COL9A2: variants seen among roughly 807,000 people sequenced by gnomAD.
COL9A2 encodes the protein collagen alpha-2(IX) chain.
Under a neutral mutation model 111.6 loss-of-function variants are expected in COL9A2, and 66 were observed. That is an observed-to-expected ratio of 0.59 (90% CI 0.48 to 0.73). The LOEUF (loss-of-function observed/expected upper bound fraction) is 0.73, where lower values mean the gene tolerates loss of function less well. COL9A2 is among the 30% of genes least tolerant of loss of function. COL9A2 has a pLI of 0.00. For missense variants in COL9A2, 881 were observed against 954.1 expected, an observed-to-expected ratio of 0.92 and a Z score of 1.01; for synonymous variants, 353 against 364.1, an observed-to-expected ratio of 0.97 and a Z score of 0.35.
chr1:40,302,787 C>T lies in COL9A2; in HGVS notation c.1626G>A (p.Val542=). 1 of 1,551,046 alleles carries T rather than the reference C, an allele frequency of 6.4e-7. No homozygotes were observed. The highest frequency in any genetic ancestry group is 8.7e-7 in the Non-Finnish European group (1 of 1,147,914). ...MLQEQLAEVA[V]SAKREALGAV... ...CACCCAGGGCTTCCCGCTTGGCACT[C>T]ACGGCGACCTCTGCCAGTTGCTCTG... The change falls in exon 30 of 32, where the codon GTG becomes GTA. Residue 542 remains valine, a synonymous_variant. Coordinates refer to ENST00000372748, the MANE Select transcript of COL9A2 (RefSeq NM_001852.4). This position sits in a 1 kb window ranked among gnomAD's most constrained non-coding sequence, Gnocchi z 4.5.
Position 40,310,335 on chromosome 1 carries a change from T to C in COL9A2, c.685-18A>G, listed in dbSNP as rs1644103719. On this transcript the variant is annotated intron_variant, in intron 13 of 31. Transcript: ENST00000372748. This position sits in a 1 kb window ranked among gnomAD's most constrained non-coding sequence, Gnocchi z 4.9. Reference sequence around the variant, plus strand: ...TGGGGACCCTGTTGAGAAAGAAAAATGACAGCAATGGCAATTGCAAGGCCC... The same window carrying C: ...TGGGGACCCTGTTGAGAAAGAAAAACGACAGCAATGGCAATTGCAAGGCCC... 1 of 1,613,492 alleles carries C rather than the reference T, an allele frequency of 6.2e-7. No individual in the cohort carries two copies. The highest frequency in any genetic ancestry group is 1.3e-5 in the African/African-American group (1 of 74,832).
chr1:40,312,084 C>T lies in COL9A2; in HGVS notation c.392G>A (p.Gly131Asp). The T allele has an allele frequency of 1.2e-6, 2 of 1,602,256 alleles. No individual in the cohort carries two copies. The highest frequency in any genetic ancestry group is 1.7e-6 in the Non-Finnish European group (2 of 1,176,070). ...CTTGGGGCCTCGGATTCCAATCTCA[C>T]CAGGGAGGCCAACAGGTCCAGGAGG... is the stretch of plus-strand genomic sequence containing the variant. Reference protein sequence around the residue: ...PGPPGPVGLPGEIGIRGPKGD... With the variant: ...PGPPGPVGLPDEIGIRGPKGD... The change falls in exon 8 of 32, where the codon GGT (glycine) becomes GAT (aspartate). Residue 131 changes from glycine to aspartate, a missense_variant. Transcript: ENST00000372748. The surrounding 1 kb of genome is among the most constrained non-coding windows in gnomAD (Gnocchi z 6.0).
intron 19 of COL9A2, among the ~76,000 whole-genome samples, chr1:40,306,947 C>A (rs572796214): frequency 1.3e-5 from 2 of 151,374 alleles, no homozygotes; most frequent in African/African-American, 4.8e-5. Context: ...TGGGCTCAAG[C>A]AATTCTCCTG....
At position 40,302,564 on chromosome 1, in the gene COL9A2, C is replaced by T. The variant is rs370066742; in HGVS notation, c.1792+57G>A. The T allele has an allele frequency of 6.2e-5, 96 of 1,537,492 alleles. 2 individuals carry two copies. Among genetic ancestry groups the T allele is most frequent in the Admixed American group, 3.3e-4 (17 of 52,188 alleles). Reference sequence around the variant, plus strand: ...CCTGAGAAGGGAATGGGGAAAGGGCCGGCCTGGACAAATCCTCACTGCCTG... The same window carrying T: ...CCTGAGAAGGGAATGGGGAAAGGGCTGGCCTGGACAAATCCTCACTGCCTG... On this transcript the variant is annotated intron_variant, in intron 30 of 31. Coordinates refer to ENST00000372748, the MANE Select transcript of COL9A2 (RefSeq NM_001852.4). The surrounding 1 kb of genome is among the most constrained non-coding windows in gnomAD (Gnocchi z 4.5).
rs1644186714 is a variant in COL9A2 at position 40,314,635 on chromosome 1, G to A, written c.151-248C>T. Among the ~76,000 whole-genome samples the A allele has an allele frequency of 6.6e-6, 1 of 152,174 alleles. No individual in the cohort carries two copies. The highest frequency in any genetic ancestry group is 2.4e-5 in the African/African-American group (1 of 41,434). Reference sequence around the variant, plus strand: ...GAGGGTGACAGCAACATGCAAGAAGGTACAGACATGCTGATGTCATGAGGT... The same window carrying A: ...GAGGGTGACAGCAACATGCAAGAAGATACAGACATGCTGATGTCATGAGGT... On this transcript the variant is annotated intron_variant, in intron 2 of 31. Coordinates refer to ENST00000372748, the MANE Select transcript of COL9A2 (RefSeq NM_001852.4). The surrounding 1 kb of genome is among the most constrained non-coding windows in gnomAD (Gnocchi z 4.1).
chr1:40,305,894 G>T, intron 20 of COL9A2, 126 bp from the exon 21 acceptor site: 2 of 894,352 alleles, frequency 2.2e-6, no homozygotes, highest in Non-Finnish European at 3.7e-6. Flanking sequence ...GGGTATTCTT[G>T]GTTCAATCCT....
Position 40,312,837 on chromosome 1 carries a change from C to T in COL9A2, c.250-53G>A. ...ATGAGGGCCAACCTGCTCCCTGACC[C>T]ACAGAGCAGGGCAGGTTCAAGGGTC... On this transcript the variant is annotated intron_variant, in intron 4 of 31. Transcript: ENST00000372748. The surrounding 1 kb of genome is among the most constrained non-coding windows in gnomAD (Gnocchi z 6.0). 6.6e-7 allele frequency: 1 copy of T among 1,504,360 alleles called. No homozygotes were observed. The highest frequency in any genetic ancestry group is 9.0e-7 in the Non-Finnish European group (1 of 1,105,994). 93.2% of individuals were successfully genotyped at this position (1,504,360 alleles called of 1,614,324 possible).
rs750061947 is a variant in COL9A2 at position 40,317,134 on chromosome 1, G to A, written c.64C>T (p.Leu22=). The change falls in exon 1 of 32, where the codon CTG becomes TTG. Residue 22 remains leucine (L), a synonymous_variant. Coordinates refer to ENST00000372748, the MANE Select transcript of COL9A2 (RefSeq NM_001852.4). This position sits in a 1 kb window ranked among gnomAD's most constrained non-coding sequence, Gnocchi z 4.3. The part of the protein sequence containing the change: ...LVLLQVVVLA[L]AQIRGPPGER... ...GCTGCGAAACTTACAATCTGCGCCA[G>A]AGCGAGCACTACCACCTGGAGGAGA... is the stretch of plus-strand genomic sequence containing the variant. 1 of 1,581,782 alleles carries A rather than the reference G, an allele frequency of 6.3e-7. No homozygotes were observed. The highest frequency in any genetic ancestry group is 8.6e-7 in the Non-Finnish European group (1 of 1,164,400).
Position 40,309,969 on chromosome 1 carries a change from G to A in COL9A2, c.815C>T (p.Pro272Leu), listed in dbSNP as rs760992606. ...ACCCTTCTCCCCAGCTCGGCCTGGC[G>A]GTCCCCTAGGACCTTCCTCACCCTG... is the stretch of plus-strand genomic sequence containing the variant. ...GPPGEEGPRG[P>L]PGRAGEKGDE... Residue 272 changes from proline (P) to leucine (L), a missense_variant, in exon 16 of 32, where the codon CCG (proline) becomes CTG (leucine). By Grantham distance (98) the Pro-to-Leu change is moderately conservative. Coordinates refer to ENST00000372748, the MANE Select transcript of COL9A2 (RefSeq NM_001852.4). The A allele has an allele frequency of 2.0e-5, 32 of 1,613,904 alleles. No individual in the cohort carries two copies. The highest frequency in any genetic ancestry group is 8.9e-5 in the East Asian group (4 of 44,886).
chr1:40,304,636 A>G, intron 22 of COL9A2, 107 bp from the exon 23 acceptor site: 1 of 1,430,150 alleles, frequency 7.0e-7, no homozygotes, highest in East Asian at 2.4e-5. Flanking sequence ...TCCTGCTGTC[A>G]CTGGCAGGGG....
chr1:40,303,137 GCATCTTCAGCGCCA>G lies in COL9A2; in HGVS notation c.1583_1596del (p.Val528AlafsTer73). On this transcript the variant is annotated frameshift_variant, in exon 29 of 32. Transcript: ENST00000372748. LOFTEE classifies it high-confidence loss of function. This position sits in a 1 kb window ranked among gnomAD's most constrained non-coding sequence, Gnocchi z 4.6. ...AGGGGTTGCTGCCCCTCACCTTGCA[GCATCTTCAGCGCCA>G]CATCCACGATGTGCTGGTCAGTGGC... is the stretch of plus-strand genomic sequence containing the variant. The G allele has an allele frequency of 6.2e-7, 1 of 1,612,800 alleles. No homozygotes were observed. Among genetic ancestry groups the G allele is most frequent in the Non-Finnish European group, 8.5e-7 (1 of 1,179,570 alleles).
At chr1:40,304,422 G>T (rs1385953026) in intron 23 of COL9A2, 31 bp from the exon 24 acceptor site, 1 of 1,612,500 alleles carries the variant, frequency 6.2e-7, no homozygotes, top group East Asian at 2.2e-5. Flanking sequence ...AGGAATAAAT[G>T]GAATGAGGGG....
chr1:40,304,016 C>T, intron 25 of COL9A2, 44 bp from the exon 26 acceptor site: 2 of 1,571,538 alleles, frequency 1.3e-6, no homozygotes, highest in Non-Finnish European at 1.7e-6. Context: ...GCGGCGGGGA[C>T]GCAGAGCAGG....
chr1:40,314,129 T>C lies in COL9A2; in HGVS notation c.249+76A>G. On this transcript the variant is annotated intron_variant, in intron 4 of 31. Coordinates refer to ENST00000372748, the MANE Select transcript of COL9A2 (RefSeq NM_001852.4). This position sits in a 1 kb window ranked among gnomAD's most constrained non-coding sequence, Gnocchi z 4.1. ...TGCTGCCCATCTCTGAACAGATCAG[T>C]GAAGATGCCAGAGCCAGGCCCTGGA... 2 of 1,453,132 alleles carry C rather than the reference T, an allele frequency of 1.4e-6. No homozygotes were observed. Among genetic ancestry groups the C allele is most frequent in the Non-Finnish European group, 1.9e-6 (2 of 1,034,618 alleles). The allele number at this position is 1,453,132 out of a possible 1,614,324, so 90.0% of individuals were successfully genotyped here.
In COL9A2 at chr1:40,303,884, G is replaced by A. The variant is rs1337074602; in HGVS notation, c.1368+44C>T. The A allele has an allele frequency of 2.6e-6, 4 of 1,549,286 alleles. No homozygotes were observed. The East Asian group carries it at 9.7e-5, about 38-fold the overall frequency. The stretch of plus-strand genomic sequence containing the variant: ...CGGTCACGAAGCCGCGGGGACCCCG[G>A]GGCCAGCCGCCGCTCCCCGCCCTTC... On this transcript the variant is annotated intron_variant, in intron 26 of 31. Transcript: ENST00000372748. The surrounding 1 kb of genome is among the most constrained non-coding windows in gnomAD (Gnocchi z 4.6).
intron 19 of COL9A2, among the ~76,000 whole-genome samples, chr1:40,306,726 T>C (rs950206437): frequency 2.0e-5 from 3 of 151,794 alleles, no homozygotes; most frequent in African/African-American, 4.8e-5. Flanking sequence ...GAGGGGCAGG[T>C]TGGGGTCAGA....
In COL9A2 at chr1:40,311,341, TC is replaced by T; in HGVS notation, c.520-56del. 6.3e-7 allele frequency: 1 copy of T among 1,596,926 alleles called. No individual in the cohort carries two copies. The highest frequency in any genetic ancestry group is 8.5e-7 in the Non-Finnish European group (1 of 1,170,218). On this transcript the variant is annotated intron_variant, in intron 10 of 31. Transcript: ENST00000372748. The surrounding 1 kb of genome is among the most constrained non-coding windows in gnomAD (Gnocchi z 5.1). Reference sequence around the variant, plus strand: ...TGATCAGCTGGGCAGTGCGCCCCCATCTCTCCAAGCCCCGTGCTCTCCTCCG... The same window carrying T: ...TGATCAGCTGGGCAGTGCGCCCCCATTCTCCAAGCCCCGTGCTCTCCTCCG...
In COL9A2 at chr1:40,310,745, G is replaced by A; in HGVS notation, c.653C>T (p.Ala218Val). 6.4e-7 allele frequency: 1 copy of A among 1,564,452 alleles called. No homozygotes were observed. Among genetic ancestry groups the A allele is most frequent in the Non-Finnish European group, 8.7e-7 (1 of 1,153,796 alleles). The stretch of plus-strand genomic sequence containing the variant: ...TCCAGGGATGCCTTGCTCTCCAGAG[G>A]CACCCACATCTCCCTTGGGACCCTA... ...GKPGPKGDVG[A>V]SGEQGIPGPP... The change falls in exon 13 of 32, where the codon GCC becomes GTC. Residue 218 changes from alanine to valine, a missense_variant. By Grantham distance (64) the Ala-to-Val change is moderately conservative. Coordinates refer to ENST00000372748, the MANE Select transcript of COL9A2 (RefSeq NM_001852.4). This position sits in a 1 kb window ranked among gnomAD's most constrained non-coding sequence, Gnocchi z 4.9.
At chr1:40,315,524 A>G (rs893969959) in intron 2 of COL9A2, 66 bp downstream of exon 2, 8 of 1,461,766 alleles carry the variant, frequency 5.5e-6, no homozygotes, top group Non-Finnish European at 7.5e-6. Flanking sequence ...CCCCCACCAC[A>G]GCGCTCACAA....
Sources: gnomAD v4.1 joint callset for allele counts (sites outside exome capture counted in the v4.1 genomes callset) on GRCh38, gnomAD v4.1.1 for gene constraint, Gnocchi (gnomAD v3.1) non-coding constraint, MANE v1.5 for transcripts, NCBI Gene and HGNC (gene_info 2026-07-23, HGNC 2026-07-21) for gene names.